The following CEP112 variants were observed in gnomAD, a reference collection of about 807,000 sequenced individuals.
CEP112 encodes centrosomal protein 112.
A neutral mutation model predicts 153.0 loss-of-function variants in CEP112; 127 were observed. That is an observed-to-expected ratio of 0.83 (90% CI 0.72 to 0.96). CEP112 has a LOEUF of 0.96. CEP112 is among the 40% of genes least tolerant of loss of function. CEP112 has a pLI of 0.00. For synonymous variants in CEP112, 358 were observed against 374.4 expected (o/e 0.96, Z 0.51); for missense variants, 1,089 against 1,101.2 (o/e 0.99, Z 0.16).
At chr17:65,732,200 G>C (rs1423597265) in intron 23 of CEP112, among the ~76,000 whole-genome samples, 1 of 152,248 alleles carries the variant, frequency 6.6e-6, no homozygotes. Flanking sequence ...TAGCAGGCAA[G>C]AAAACAACAT....
chr17:66,005,509 TA>T (rs145866371), intron 17 of CEP112, among the ~76,000 whole-genome samples, 180 bp downstream of exon 17: 1 of 151,690 alleles, frequency 6.6e-6, no homozygotes, highest in Non-Finnish European at 1.5e-5. Context: ...ATTTTTCTTT[TA>T]AAAAAAATTA....
At chr17:66,009,100 C>A (rs1459677760) in intron 16 of CEP112, among the ~76,000 whole-genome samples, 1 of 151,908 alleles carries the variant, frequency 6.6e-6, no homozygotes, top group Non-Finnish European at 1.5e-5. Context: ...TTTTGAGATA[C>A]TTCCATACTG....
Position 65,766,427 on chromosome 17 carries a change from A to T in CEP112, c.2395-15703T>A, listed in dbSNP as rs563419158. On this transcript the variant is annotated intron_variant, in intron 21 of 26. Transcript: ENST00000535342. ...AAAGAAAAAAGAATAAACACCTAACACTATAGAAGATCACCAAATCATGAA... is the reference window on the plus strand; with the variant it reads ...AAAGAAAAAAGAATAAACACCTAACTCTATAGAAGATCACCAAATCATGAA... Among the ~76,000 whole-genome samples the T allele has an allele frequency of 2.0e-5, 3 of 150,626 alleles. No individual in the cohort carries two copies. In the East Asian group the frequency reaches 5.8e-4, roughly 29 times the overall value.
intron 23 of CEP112, among the ~76,000 whole-genome samples, chr17:65,722,528 C>T (rs1305601637): frequency 6.6e-6 from 1 of 152,190 alleles, no homozygotes; most frequent in Non-Finnish European, 1.5e-5. Context: ...GGATGACAGG[C>T]GTGACCCACC....
chr17:66,048,812 T>C (rs2066321441), intron 12 of CEP112, among the ~76,000 whole-genome samples: 1 of 152,148 alleles, frequency 6.6e-6, no homozygotes. Flanking sequence ...TTTCTCCATG[T>C]TGGCCAGGCT....
chr17:65,777,851 G>C (rs1406284723), intron 21 of CEP112, among the ~76,000 whole-genome samples: 1 of 151,948 alleles, frequency 6.6e-6, no homozygotes, highest in Non-Finnish European at 1.5e-5. Flanking sequence ...AGTTTGAATG[G>C]CACTGTACCT....
chr17:65,997,364 T>G (rs898939088), intron 17 of CEP112, among the ~76,000 whole-genome samples: 1 of 152,150 alleles, frequency 6.6e-6, no homozygotes, highest in Non-Finnish European at 1.5e-5. Flanking sequence ...AAAAACAAAG[T>G]GTGTCATCCC....
chr17:65,777,626 G>T lies in CEP112; in HGVS notation c.2395-26902C>A, dbSNP rs762093037. ...AGTACTCAATATGTGTCTAGTGGTT[G>T]AAGTTCTCCTCCCCTTCATGAATAT... On this transcript the variant is annotated intron_variant, in intron 21 of 26. Coordinates refer to ENST00000535342, the MANE Select transcript of CEP112 (RefSeq NM_001199165.4). 1.1e-4 allele frequency among the ~76,000 whole-genome samples: 17 copies of T among 152,138 alleles called. 1 individual carries two copies. Among genetic ancestry groups the T allele is most frequent in the Admixed American group, 6.5e-5 (1 of 15,272 alleles).
At chr17:65,912,562 C>A (rs1208707890) in intron 19 of CEP112, among the ~76,000 whole-genome samples, 1 of 152,194 alleles carries the variant, frequency 6.6e-6, no homozygotes, top group East Asian at 1.9e-4. Context: ...TCTCACTTTT[C>A]TGATACTTTG....
At chr17:66,015,326 T>C (rs1167998983) in intron 16 of CEP112, among the ~76,000 whole-genome samples, 1 of 152,214 alleles carries the variant, frequency 6.6e-6, no homozygotes, top group East Asian at 1.9e-4. Context: ...ACACAATAAA[T>C]ATTTAAATTC....
chr17:65,933,523 G>C (rs923770331), intron 18 of CEP112, among the ~76,000 whole-genome samples: 1 of 152,204 alleles, frequency 6.6e-6, no homozygotes, highest in Middle Eastern at 3.4e-3. Context: ...GGAGACAGTG[G>C]GAAGATATAT....
intron 19 of CEP112, among the ~76,000 whole-genome samples, chr17:65,922,519 A>C (rs1385942357): frequency 3.3e-5 from 5 of 152,124 alleles, no homozygotes; most frequent in Non-Finnish European, 7.4e-5. Context: ...TTACAAAATA[A>C]ATGCAGATCA....
chr17:66,019,909 G>A (rs979581640), intron 16 of CEP112, among the ~76,000 whole-genome samples: 21 of 152,170 alleles, frequency 1.4e-4, no homozygotes, highest in Non-Finnish European at 1.5e-4. Flanking sequence ...AGTTTACTTC[G>A]AGGCTAAATA....
intron 4 of CEP112, among the ~76,000 whole-genome samples, chr17:66,138,366 G>C (rs1315666452): frequency 6.6e-6 from 1 of 152,164 alleles, no homozygotes; most frequent in African/African-American, 2.4e-5. Context: ...TGGGATACCT[G>C]ATGGTTGGTT....
rs1020178621 is a variant in CEP112, at chr17:65,655,038, C to T, written c.2698-13973G>A. 6 of 678,656 alleles carry T rather than the reference C, an allele frequency of 8.8e-6. No individual in the cohort carries two copies. In the African/African-American group the frequency reaches 1.1e-4, roughly 12 times the overall value. The allele number at this position is 678,656 out of a possible 1,614,324, so 42.0% of individuals were successfully genotyped here. Reference sequence around the variant, plus strand: ...ATAAATGCTTCCTCGGATAGTATCACTCTTGACACTGGAGATCCAGAACCA... The same window carrying T: ...ATAAATGCTTCCTCGGATAGTATCATTCTTGACACTGGAGATCCAGAACCA... On this transcript the variant is annotated intron_variant, in intron 24 of 26. Transcript: ENST00000535342.
intron 18 of CEP112, among the ~76,000 whole-genome samples, chr17:65,936,031 CAAAT>C (rs1239633287): frequency 4.0e-5 from 6 of 151,870 alleles, no homozygotes; most frequent in East Asian, 1.9e-4. Context: ...AGAGAAGACT[CAAAT>C]AAATAATATC....
At chr17:65,911,885 G>A (rs144028410) in intron 19 of CEP112, among the ~76,000 whole-genome samples, 21 of 152,258 alleles carry the variant, frequency 1.4e-4, no homozygotes, top group African/African-American at 4.6e-4. Context: ...AACAGCAGTC[G>A]TTTCCGGAAG....
At chr17:66,085,669 T>G (rs1438099642) in intron 8 of CEP112, among the ~76,000 whole-genome samples, 1 of 152,090 alleles carries the variant, frequency 6.6e-6, no homozygotes, top group Non-Finnish European at 1.5e-5. Context: ...CATCAGAATA[T>G]ATATGTCAGT....
chr17:65,938,373 T>C (rs60777169), intron 18 of CEP112, among the ~76,000 whole-genome samples: 2 of 131,790 alleles, frequency 1.5e-5, no homozygotes, highest in East Asian at 4.7e-4. Context: ...CCTATGACCC[T>C]GCCAAATCCC....
Sources: gnomAD v4.1 joint callset for allele counts (sites outside exome capture counted in the v4.1 genomes callset) on GRCh38, gnomAD v4.1.1 for gene constraint, MANE v1.5 for transcripts, NCBI Gene and HGNC (gene_info 2026-07-23, HGNC 2026-07-21) for gene names.